VWC2L: variants seen among roughly 807,000 people sequenced by gnomAD.
VWC2L encodes the protein von Willebrand factor C domain-containing protein 2-like.
Under a neutral mutation model 21.6 loss-of-function variants are expected in VWC2L, and 10 were observed. The ratio of observed to expected loss-of-function variants is 0.46; its 90% CI spans 0.29 to 0.78. VWC2L has a LOEUF of 0.78. Among genes scored for constraint, VWC2L ranks in the 30% least tolerant of loss-of-function variants. The probability of loss-of-function intolerance (pLI) is 0.10; values close to 1 mark genes in which losing one functional copy is unlikely to be tolerated. For synonymous variants in VWC2L, 96 were observed against 94.3 expected, an observed-to-expected ratio of 1.02 and a Z score of -0.10; for missense variants, 209 against 277.1, an observed-to-expected ratio of 0.75 and a Z score of 1.74.
chr2:214,514,505 C>T (rs917649596), intron 3 of VWC2L, among the ~76,000 whole-genome samples: 2 of 152,142 alleles, frequency 1.3e-5, no homozygotes, highest in Non-Finnish European at 2.9e-5. Flanking sequence ...TAGTAGTAAA[C>T]TTAGTTATTT....
At chr2:214,490,521 G>A (rs1688731657) in intron 3 of VWC2L, among the ~76,000 whole-genome samples, 1 of 152,092 alleles carries the variant, frequency 6.6e-6, no homozygotes, top group Admixed American at 6.6e-5. Context: ...GGTGATTGCA[G>A]GGAAGCTGGA....
At chr2:214,574,188 G>GGTGA (rs1690194464) in intron 3 of VWC2L, among the ~76,000 whole-genome samples, 1 of 152,066 alleles carries the variant, frequency 6.6e-6, no homozygotes, top group African/African-American at 2.4e-5. Flanking sequence ...CACCCTTCTG[G>GGTGA]GTGAAGGCTG....
intron 3 of VWC2L, among the ~76,000 whole-genome samples, chr2:214,565,297 T>C (rs983294072): frequency 6.6e-6 from 1 of 152,242 alleles, no homozygotes; most frequent in Non-Finnish European, 1.5e-5. Flanking sequence ...TACTCTTTTA[T>C]TGAGCTTGCA....
At position 214,575,708 on chromosome 2, in the gene VWC2L, C is replaced by A. The variant is rs1407761751; in HGVS notation, c.557C>A (p.Ala186Asp). ...NCFAGTTIIP[A>D]GIEVKVDECN... ...TTTGCAGGAACGACGATAATTCCAG[C>A]TGGCATTGAAGTGAAAGTGGACGAA... Residue 186 changes from alanine (A) to aspartate (D), a missense_variant, in exon 4 of 4, where the codon GCT becomes GAT. Physicochemically the swap from Ala to Asp is moderately radical, Grantham distance 126. Transcript: ENST00000312504. The A allele has an allele frequency of 3.7e-6, 6 of 1,613,466 alleles. No individual in the cohort carries two copies. The highest frequency in any genetic ancestry group is 5.1e-6 in the Non-Finnish European group (6 of 1,179,512).
intron 3 of VWC2L, among the ~76,000 whole-genome samples, chr2:214,568,715 G>C (rs755802097): frequency 6.6e-6 from 1 of 152,168 alleles, no homozygotes; most frequent in Non-Finnish European, 1.5e-5. Flanking sequence ...TTCACAACAG[G>C]TGATTATGTT....
At chr2:214,565,805 G>A (rs1690053459) in intron 3 of VWC2L, among the ~76,000 whole-genome samples, 1 of 152,068 alleles carries the variant, frequency 6.6e-6, no homozygotes, top group Admixed American at 6.6e-5. Context: ...GAATTCATTT[G>A]TTCCTTCAAA....
In VWC2L at chr2:214,535,248, C is replaced by T. The variant is rs552724121; in HGVS notation, c.521-40424C>T. Among the ~76,000 whole-genome samples the T allele has an allele frequency of 6.6e-4, 100 of 152,152 alleles. 3 individuals are homozygous for T. In the South Asian group the frequency reaches 9.1e-3, roughly 14 times the overall value. On this transcript the variant is annotated intron_variant, in intron 3 of 3. Coordinates refer to ENST00000312504, the MANE Select transcript of VWC2L (RefSeq NM_001080500.4). ...TGTTTCCTATAATGTTTTCTCAAAG[C>T]ATCTTTTGCAATATCACCAGTCAAA... is the stretch of plus-strand genomic sequence containing the variant.
intron 3 of VWC2L, among the ~76,000 whole-genome samples, chr2:214,526,406 T>C (rs999487953): frequency 2.8e-4 from 42 of 152,300 alleles, no homozygotes; most frequent in African/African-American, 1.0e-3. Context: ...CCCATATTCA[T>C]ATAATACTTT....
intron 3 of VWC2L, among the ~76,000 whole-genome samples, chr2:214,547,838 T>C (rs1344879508): frequency 6.6e-6 from 1 of 152,216 alleles, no homozygotes; most frequent in Non-Finnish European, 1.5e-5. Flanking sequence ...AGTGTGACTT[T>C]TCTCTCATAC....
At chr2:214,489,852 A>G (rs1156394276) in intron 3 of VWC2L, among the ~76,000 whole-genome samples, 3 of 152,216 alleles carry the variant, frequency 2.0e-5, no homozygotes, top group Non-Finnish European at 4.4e-5. Context: ...ATGTGGCTTC[A>G]AGGTCACCTT....
chr2:214,464,115 C>T (rs199933830), intron 3 of VWC2L, among the ~76,000 whole-genome samples: 23 of 152,170 alleles, frequency 1.5e-4, no homozygotes, highest in East Asian at 1.2e-3. Context: ...TCTGTCTGAA[C>T]GGTCACATAT....
chr2:214,536,794 G>C (rs1266974103), intron 3 of VWC2L: 1 of 151,944 alleles, frequency 6.6e-6, no homozygotes, highest in Non-Finnish European at 1.5e-5. Context: ...CCAAAGGCTT[G>C]ATGATCTCAC....
intron 3 of VWC2L, among the ~76,000 whole-genome samples, chr2:214,549,599 C>A (rs1689761140): frequency 1.3e-5 from 2 of 152,154 alleles, no homozygotes; most frequent in Admixed American, 6.5e-5. Flanking sequence ...ATGGTGAAAC[C>A]ATGTCTCTAC....
At chr2:214,447,742 C>G (rs1234441559) in intron 3 of VWC2L, among the ~76,000 whole-genome samples, 5 of 152,138 alleles carry the variant, frequency 3.3e-5, no homozygotes, top group Non-Finnish European at 7.3e-5. Flanking sequence ...ACATCTGGAA[C>G]AAGAGACTCT....
chr2:214,426,632 C>T (rs1702527862), intron 2 of VWC2L, among the ~76,000 whole-genome samples: 1 of 152,202 alleles, frequency 6.6e-6, no homozygotes, highest in Non-Finnish European at 1.5e-5. Flanking sequence ...GAAATTTGTG[C>T]CTTTGTCCTT....
chr2:214,444,900 A>G (rs892143789), intron 3 of VWC2L, among the ~76,000 whole-genome samples: 5 of 152,000 alleles, frequency 3.3e-5, no homozygotes, highest in Non-Finnish European at 2.9e-5. Flanking sequence ...AAAAAATCAA[A>G]TCATAACGGT....
At chr2:214,476,809 A>G (rs893005610) in intron 3 of VWC2L, among the ~76,000 whole-genome samples, 27 of 152,160 alleles carry the variant, frequency 1.8e-4, no homozygotes, top group Middle Eastern at 6.8e-3. Flanking sequence ...TAAGATATTG[A>G]AGTATTTTGG....
At chr2:214,552,036 G>A (rs551231006) in intron 3 of VWC2L, among the ~76,000 whole-genome samples, 53 of 152,274 alleles carry the variant, frequency 3.5e-4, no homozygotes, top group African/African-American at 1.2e-3. Flanking sequence ...ACATATTGTG[G>A]TTTAGTGTTT....
At chr2:214,573,403 T>C (rs927765378) in intron 3 of VWC2L, among the ~76,000 whole-genome samples, 2 of 152,174 alleles carry the variant, frequency 1.3e-5, no homozygotes, top group African/African-American at 4.8e-5. Flanking sequence ...AATTTTATTT[T>C]CCCATGTGGA....
Sources: allele counts gnomAD v4.1 joint callset (sites outside exome capture counted in the v4.1 genomes callset), GRCh38; gene constraint gnomAD v4.1.1; transcripts MANE v1.5; gene names NCBI Gene and HGNC (gene_info 2026-07-23, HGNC 2026-07-21).